ENKUR: variants seen among roughly 807,000 people sequenced by gnomAD.
The protein encoded by ENKUR is enkurin.
Under a neutral mutation model 27.6 loss-of-function variants are expected in ENKUR, and 19 were observed. That is an observed-to-expected ratio of 0.69 (90% CI 0.48 to 1.01). The LOEUF (loss-of-function observed/expected upper bound fraction) is 1.01. ENKUR is among the 50% of genes least tolerant of loss of function. The pLI, the probability that ENKUR is intolerant of heterozygous loss-of-function variation, is 0.00. For synonymous variants in ENKUR, 117 were observed against 96.9 expected, an observed-to-expected ratio of 1.21 and a Z score of -1.22; for missense variants, 312 against 310.5, an observed-to-expected ratio of 1.00 and a Z score of -0.04.
chr10:24,999,008 GT>G, intron 2 of ENKUR, among the ~76,000 whole-genome samples: 1 of 152,308 alleles, frequency 6.6e-6, no homozygotes, highest in East Asian at 1.9e-4. Context: ...GGTAGTAATG[GT>G]TGTAATTTTC....
At chr10:25,011,481 G>A (rs1201858112) in intron 1 of ENKUR, among the ~76,000 whole-genome samples, 1 of 152,134 alleles carries the variant, frequency 6.6e-6, no homozygotes, top group East Asian at 1.9e-4. Context: ...AAGCAATAGG[G>A]AAAGGATTCC....
At position 25,036,923 on chromosome 10, in the gene ENKUR, G is replaced by A. The variant is rs569934250; in HGVS notation, c.37+24189C>T. Reference sequence around the variant, plus strand: ...TTTTACACCTGAGGCTATGGGAGGGGAGCCAAGAAAAGAAACATCAAAATC... The same window carrying A: ...TTTTACACCTGAGGCTATGGGAGGGAAGCCAAGAAAAGAAACATCAAAATC... On this transcript the variant is annotated intron_variant, in intron 2 of 5. Coordinates refer to the ENKUR transcript ENST00000615958. 1.8e-4 allele frequency among the ~76,000 whole-genome samples: 27 copies of A among 152,270 alleles called. No homozygotes were observed. In the South Asian group the frequency reaches 3.7e-3, roughly 21 times the overall value.
rs181411042 is a variant in ENKUR at position 25,008,215 on chromosome 10, G to T, written c.77+7645C>A. Among the ~76,000 whole-genome samples the T allele has an allele frequency of 3.0e-4, 46 of 152,060 alleles. 1 individual carries two copies. The highest frequency in any genetic ancestry group is 1.1e-3 in the African/African-American group (46 of 41,516). On this transcript the variant is annotated intron_variant, in intron 1 of 5. Transcript: ENST00000331161. ...CTAAGAGACCATATATTGCAGCAAT[G>T]GGAATTTTAGCATAAAATGTCATCA...
At chr10:24,988,294 A>G (rs553853587) in intron 4 of ENKUR, among the ~76,000 whole-genome samples, 1 of 142,638 alleles carries the variant, frequency 7.0e-6, no homozygotes, top group Non-Finnish European at 1.5e-5. Context: ...ATATTTATAT[A>G]TGTATATATA....
At chr10:25,061,420 C>T in intron 1 of ENKUR, 1 of 393,212 alleles carries the variant, frequency 2.5e-6, no homozygotes, top group South Asian at 5.8e-5. Context: ...CCTCCCAACA[C>T]AAACTGAATC....
At chr10:25,004,455 T>C (rs1850266567) in intron 1 of ENKUR, among the ~76,000 whole-genome samples, 1 of 152,126 alleles carries the variant, frequency 6.6e-6, no homozygotes, top group Non-Finnish European at 1.5e-5. Context: ...TAATGGCCAT[T>C]CTGATTGGTG....
chr10:24,993,413 T>C (rs1386920831), intron 3 of ENKUR, among the ~76,000 whole-genome samples: 1 of 152,280 alleles, frequency 6.6e-6, no homozygotes, highest in Non-Finnish European at 1.5e-5. Context: ...AAATCACAGT[T>C]ACTAAGTGGC....
At chr10:25,017,186 G>A (rs1432646024), upstream of ENKUR, among the ~76,000 whole-genome samples, 1 of 152,222 alleles carries the variant, frequency 6.6e-6, no homozygotes, top group Non-Finnish European at 1.5e-5. Context: ...CTTTTAAGTG[G>A]GCCTTTACGT....
At chr10:25,051,643 T>G (rs887784119) in intron 2 of ENKUR, among the ~76,000 whole-genome samples, 7 of 152,234 alleles carry the variant, frequency 4.6e-5, no homozygotes, top group African/African-American at 1.7e-4. Context: ...AAACCATTTA[T>G]GAGCAATCCA....
chr10:25,026,383 A>T (rs1850852506), intron 2 of ENKUR: 1 of 166,960 alleles, frequency 6.0e-6, no homozygotes, highest in Non-Finnish European at 1.5e-5. Context: ...TACAGAAATG[A>T]TCTATTTCAA....
At chr10:25,018,669 T>TTTG (rs1212100841), upstream of ENKUR, among the ~76,000 whole-genome samples, 3 of 150,592 alleles carry the variant, frequency 2.0e-5, no homozygotes, top group African/African-American at 7.4e-5. Flanking sequence ...GTTTTTTTTT[T>TTTG]TTTTTTTTTT....
intron 3 of ENKUR, among the ~76,000 whole-genome samples, chr10:24,993,487 C>T (rs1267415479): frequency 6.6e-6 from 1 of 152,126 alleles, no homozygotes; most frequent in African/African-American, 2.4e-5. Context: ...ATCATCTATC[C>T]TTGCTTGTTT....
chr10:25,046,897 A>G (rs926454592), intron 2 of ENKUR, among the ~76,000 whole-genome samples: 3 of 152,206 alleles, frequency 2.0e-5, no homozygotes, highest in African/African-American at 7.2e-5. Context: ...GTTAATTTCC[A>G]TCCTCTAGAA....
rs568119694 is a variant in ENKUR, at chr10:24,994,439, T to C, written c.447+1207A>G. 2.6e-5 allele frequency among the ~76,000 whole-genome samples: 4 copies of C among 151,720 alleles called. No individual in the cohort carries two copies. In the East Asian group the frequency reaches 5.9e-4, roughly 22 times the overall value. On this transcript the variant is annotated intron_variant, in intron 3 of 5. Coordinates refer to ENST00000331161, the MANE Select transcript of ENKUR (RefSeq NM_145010.4). ...ACCCCCGCCTCCTGGGATCAAGCGATTCTCGTGCCTTAGCCACCCGAGTAG... is the reference window on the plus strand; with the variant it reads ...ACCCCCGCCTCCTGGGATCAAGCGACTCTCGTGCCTTAGCCACCCGAGTAG...
At chr10:25,036,289 A>G (rs1851006947) in intron 2 of ENKUR, among the ~76,000 whole-genome samples, 3 of 152,136 alleles carry the variant, frequency 2.0e-5, no homozygotes, top group Admixed American at 2.0e-4. Flanking sequence ...GGGGAAACCC[A>G]TTTTGCTTGG....
At position 25,058,579 on chromosome 10, in the gene ENKUR, C is replaced by T. The variant is rs527553334; in HGVS notation, c.37+2533G>A. Among the ~76,000 whole-genome samples the T allele has an allele frequency of 2.6e-5, 4 of 152,214 alleles. 1 individual carries two copies. The highest frequency in any genetic ancestry group is 3.4e-3 in the Middle Eastern group (1 of 294). Reference sequence around the variant, plus strand: ...ATCCCATACTGATTAGAAATGAGAGCGCTTATTCATGACACAGAGATAGCC... The same window carrying T: ...ATCCCATACTGATTAGAAATGAGAGTGCTTATTCATGACACAGAGATAGCC... On this transcript the variant is annotated intron_variant, in intron 2 of 5. Coordinates refer to the ENKUR transcript ENST00000615958.
rs574582858 is a variant in ENKUR at position 24,994,863 on chromosome 10, A to G, written c.447+783T>C. Among the ~76,000 whole-genome samples the G allele has an allele frequency of 3.9e-5, 6 of 152,136 alleles. 1 individual carries two copies. The highest frequency in any genetic ancestry group is 1.2e-4 in the African/African-American group (5 of 41,500). On this transcript the variant is annotated intron_variant, in intron 3 of 5. Transcript: ENST00000331161. The stretch of plus-strand genomic sequence containing the variant: ...TGGTGAAACCCCCTGTCTACTAAAT[A>G]TACAAAAAAATAACCAGGCCTGGTG...
chr10:25,060,370 G>T (rs772838929), intron 2 of ENKUR, among the ~76,000 whole-genome samples: 28 of 152,176 alleles, frequency 1.8e-4, no homozygotes, highest in Middle Eastern at 3.4e-3. Context: ...ACCAGAAATT[G>T]GTCCACACTG....
rs370570948 is a variant in ENKUR at position 25,002,601 on chromosome 10, T to C, written c.78-3055A>G. Reference sequence around the variant, plus strand: ...GTTGTTTCATATATTTTTTTTCTGGTGTTCTAGTTGTTTAAGTCAAGAAGA... The same window carrying C: ...GTTGTTTCATATATTTTTTTTCTGGCGTTCTAGTTGTTTAAGTCAAGAAGA... On this transcript the variant is annotated intron_variant, in intron 1 of 5. Transcript: ENST00000331161. Among the ~76,000 whole-genome samples, 2 of 152,302 alleles carry C rather than the reference T, an allele frequency of 1.3e-5. 1 individual carries two copies.
Sources: allele counts gnomAD v4.1 joint callset (sites outside exome capture counted in the v4.1 genomes callset), GRCh38; gene constraint gnomAD v4.1.1; transcripts MANE v1.5; gene names NCBI Gene and HGNC (gene_info 2026-07-23, HGNC 2026-07-21).